CA10: variants seen among roughly 807,000 people sequenced by gnomAD.
The protein encoded by CA10 is carbonic anhydrase-related protein 10.
CA10 carries 14 observed loss-of-function variants against 44.2 expected under a neutral mutation model. That is an observed-to-expected ratio of 0.32 (90% CI 0.21 to 0.50). CA10 has a LOEUF of 0.50. CA10 is among the 20% of genes least tolerant of loss of function. The pLI is 0.99. For missense variants in CA10, 350 were observed against 409.7 expected (o/e 0.85, Z 1.26); for synonymous variants, 159 against 141.6 (o/e 1.12, Z -0.87).
chr17:51,838,511 C>T (rs888958533), intron 3 of CA10, among the ~76,000 whole-genome samples: 2 of 152,230 alleles, frequency 1.3e-5, no homozygotes, highest in Non-Finnish European at 2.9e-5. Flanking sequence ...AACTCAACTA[C>T]AGGGGATGGG....
intron 3 of CA10, among the ~76,000 whole-genome samples, chr17:51,904,884 C>A (rs1404530702): frequency 1.3e-5 from 2 of 152,116 alleles, no homozygotes; most frequent in Non-Finnish European, 2.9e-5. Context: ...CCTTGCTCTG[C>A]CACTTTTTAG....
chr17:52,003,348 A>G (rs1457363080), intron 2 of CA10, among the ~76,000 whole-genome samples: 1 of 151,884 alleles, frequency 6.6e-6, no homozygotes, highest in Non-Finnish European at 1.5e-5. Context: ...GTGGGTTCCC[A>G]TAATACCTTA....
intron 1 of CA10, among the ~76,000 whole-genome samples, chr17:52,105,251 G>GT (rs1176515697): frequency 2.5e-4 from 35 of 141,110 alleles, no homozygotes; most frequent in Admixed American, 4.3e-4. Context: ...AAATCCTCAT[G>GT]TTTTTTTGTT....
intron 1 of CA10, among the ~76,000 whole-genome samples, chr17:52,114,324 G>A (rs765723336): frequency 4.6e-5 from 7 of 152,106 alleles, no homozygotes; most frequent in African/African-American, 7.2e-5. Flanking sequence ...TATAAACTCC[G>A]TAAGCATAGC....
intron 3 of CA10, among the ~76,000 whole-genome samples, chr17:51,908,229 G>T (rs2143944920): frequency 6.6e-6 from 1 of 152,262 alleles, no homozygotes; most frequent in South Asian, 2.1e-4. Flanking sequence ...AAGGCACACA[G>T]ATTAATTGAA....
At chr17:51,849,395 G>T (rs546644534) in intron 3 of CA10, among the ~76,000 whole-genome samples, 3 of 151,418 alleles carry the variant, frequency 2.0e-5, no homozygotes, top group African/African-American at 7.3e-5. Context: ...CAAATAAATG[G>T]CTTCCTATAA....
chr17:51,710,677 C>T (rs1287507815), intron 4 of CA10, among the ~76,000 whole-genome samples: 1 of 152,052 alleles, frequency 6.6e-6, no homozygotes, highest in Non-Finnish European at 1.5e-5. Context: ...TGCAAAACAT[C>T]CCCCGACTGA....
chr17:52,047,668 T>G (rs1366467339), intron 2 of CA10, among the ~76,000 whole-genome samples: 1 of 151,924 alleles, frequency 6.6e-6, no homozygotes, highest in African/African-American at 2.4e-5. Flanking sequence ...TAAATACTTA[T>G]TTTTTGCAGC....
intron 2 of CA10, among the ~76,000 whole-genome samples, chr17:52,057,860 C>T (rs991318825): frequency 1.8e-4 from 28 of 152,102 alleles, no homozygotes; most frequent in Non-Finnish European, 2.9e-5. Context: ...GGAACACTCC[C>T]TATGTTCCTT....
chr17:52,016,305 T>C (rs1985965551), intron 2 of CA10, among the ~76,000 whole-genome samples: 1 of 152,124 alleles, frequency 6.6e-6, no homozygotes, highest in Non-Finnish European at 1.5e-5. Context: ...TACAACTACA[T>C]GAGAGAGATT....
intron 2 of CA10, among the ~76,000 whole-genome samples, chr17:51,983,691 T>TA (rs1984731347): frequency 6.6e-6 from 1 of 151,744 alleles, no homozygotes; most frequent in Non-Finnish European, 1.5e-5. Context: ...ATATCAAGCA[T>TA]AAAAAACACT....
At chr17:51,796,302 T>C (rs769593610) in intron 3 of CA10, among the ~76,000 whole-genome samples, 58 of 152,200 alleles carry the variant, frequency 3.8e-4, no homozygotes, top group Non-Finnish European at 6.6e-4. Context: ...TGAGAAAGCC[T>C]GACCTAGATC....
intron 8 of CA10, 89 bp from the exon 9 acceptor site, chr17:51,631,695 C>T (rs1912588379): frequency 1.8e-6 from 2 of 1,125,488 alleles, no homozygotes; most frequent in Non-Finnish European, 2.7e-6. Context: ...TTAGAGAATT[C>T]CTCCAGAGGG....
intron 2 of CA10, among the ~76,000 whole-genome samples, chr17:52,051,046 G>T (rs1278740242): frequency 2.0e-5 from 3 of 150,736 alleles, no homozygotes; most frequent in African/African-American, 7.3e-5. Flanking sequence ...AGGAAAGGAA[G>T]GAGGGAGGGA....
intron 3 of CA10, among the ~76,000 whole-genome samples, chr17:51,803,895 G>A (rs1049481245): frequency 6.6e-6 from 1 of 152,270 alleles, no homozygotes; most frequent in Non-Finnish European, 1.5e-5. Context: ...TTTCTTCTAC[G>A]TTGTATTTCG....
At chr17:51,872,100 G>T (rs978907520) in intron 3 of CA10, among the ~76,000 whole-genome samples, 1 of 152,142 alleles carries the variant, frequency 6.6e-6, no homozygotes, top group Non-Finnish European at 1.5e-5. Flanking sequence ...GAAACAGCAC[G>T]TTAAAGACAG....
chr17:52,067,537 C>T (rs907975377), intron 2 of CA10, among the ~76,000 whole-genome samples: 1 of 152,248 alleles, frequency 6.6e-6, no homozygotes, highest in Non-Finnish European at 1.5e-5. Context: ...CCCACTGGGG[C>T]ACTGCCTAGT....
At chr17:51,670,797 A>T (rs1306780721) in intron 4 of CA10, among the ~76,000 whole-genome samples, 1 of 152,222 alleles carries the variant, frequency 6.6e-6, no homozygotes, top group Non-Finnish European at 1.5e-5. Flanking sequence ...TCGACGTATG[A>T]GAACCTTATC....
chr17:51,876,474 A>T (rs1044428703), intron 3 of CA10, among the ~76,000 whole-genome samples: 16 of 150,952 alleles, frequency 1.1e-4, no homozygotes, highest in African/African-American at 2.0e-4. Flanking sequence ...GAGTCAGTGC[A>T]CCTGGCAGTT....
Sources: allele counts gnomAD v4.1 joint callset (sites outside exome capture counted in the v4.1 genomes callset), GRCh38; gene constraint gnomAD v4.1.1; transcripts MANE v1.5; gene names NCBI Gene and HGNC (gene_info 2026-07-23, HGNC 2026-07-21).